The following CDK6 variants were observed in gnomAD, a reference collection of about 807,000 sequenced individuals.
CDK6 encodes cyclin dependent kinase 6.
In CDK6, 6 loss-of-function variants were observed where a neutral mutation model predicts 37.1. The ratio of observed to expected loss-of-function variants is 0.16; its 90% CI spans 0.09 to 0.32. CDK6 has a LOEUF of 0.32. CDK6 is among the 10% of genes least tolerant of loss of function. The pLI is 1.00. For synonymous variants in CDK6, 160 were observed against 161.3 expected (o/e 0.99, Z 0.06); for missense variants, 224 against 418.9 (o/e 0.53, Z 4.06).
intron 5 of CDK6, among the ~76,000 whole-genome samples, chr7:92,653,763 A>G (rs1039122188): frequency 2.6e-5 from 4 of 152,068 alleles, no homozygotes; most frequent in African/African-American, 4.8e-5. Context: ...TTTTAAGACC[A>G]TCAATTTCCT....
chr7:92,627,939 A>G (rs1037907070), intron 5 of CDK6, among the ~76,000 whole-genome samples: 4 of 152,052 alleles, frequency 2.6e-5, no homozygotes, highest in African/African-American at 9.7e-5. Context: ...ATTAAAAAAA[A>G]AACTGCTAGG....
intron 3 of CDK6, among the ~76,000 whole-genome samples, chr7:92,735,620 G>A (rs1053523552): frequency 7.9e-5 from 12 of 152,168 alleles, no homozygotes; most frequent in South Asian, 2.1e-4. Flanking sequence ...CAAATTCCTT[G>A]AGGAACAGGA....
At chr7:92,629,838 T>C (rs988398147) in intron 5 of CDK6, among the ~76,000 whole-genome samples, 8 of 152,138 alleles carry the variant, frequency 5.3e-5, no homozygotes, top group Admixed American at 4.6e-4. Flanking sequence ...GGTGCTAGCA[T>C]GGTAACTCAA....
intron 4 of CDK6, 72 bp downstream of exon 4, chr7:92,725,554 T>C (rs1585432004): frequency 6.8e-7 from 1 of 1,461,924 alleles, no homozygotes; most frequent in Non-Finnish European, 9.4e-7. Flanking sequence ...ATTAGAGACA[T>C]GGAAGAGGGA....
chr7:92,681,461 CTCTCCCCCATTTTATCT>C (rs1797334381), intron 4 of CDK6, among the ~76,000 whole-genome samples: 1 of 152,146 alleles, frequency 6.6e-6, no homozygotes, highest in African/African-American at 2.4e-5. Flanking sequence ...AGTCGTACAC[CTCTCCCCCATTTTATCT>C]ATGTCTAAGC....
chr7:92,612,333 A>C lies in CDK6; in HGVS notation c.*2807T>G, dbSNP rs1360127328. ...TGCCCTTTTCAGTTCACCACTGCTT[A>C]GCTTTTGGCAAAGATGTTTGAAACC... On this transcript the variant is annotated 3_prime_UTR_variant, in exon 8 of 8. Transcript: ENST00000424848. The C allele has an allele frequency of 4.3e-6, 1 of 233,108 alleles. No homozygotes were observed. Among genetic ancestry groups the C allele is most frequent in the Non-Finnish European group, 8.5e-6 (1 of 118,022 alleles). 14.4% of individuals were successfully genotyped at this position (233,108 alleles called of 1,614,324 possible).
At chr7:92,757,950 T>C (rs1219012663) in intron 3 of CDK6, among the ~76,000 whole-genome samples, 1 of 152,226 alleles carries the variant, frequency 6.6e-6, no homozygotes, top group Non-Finnish European at 1.5e-5. Flanking sequence ...CACATGTATA[T>C]CATCTTTTGA....
chr7:92,722,625 A>C (rs906132403), intron 4 of CDK6, among the ~76,000 whole-genome samples: 31 of 152,338 alleles, frequency 2.0e-4, no homozygotes, highest in African/African-American at 6.3e-4. Flanking sequence ...TCAGCTTAAT[A>C]TTACCAGGTA....
intron 3 of CDK6, among the ~76,000 whole-genome samples, chr7:92,766,235 G>C (rs1202315967): frequency 6.6e-6 from 1 of 152,186 alleles, no homozygotes; most frequent in Non-Finnish European, 1.5e-5. Flanking sequence ...GTGGTGTGTT[G>C]AGTTAGGAAG....
At chr7:92,662,320 G>T (rs1243430131) in intron 5 of CDK6, among the ~76,000 whole-genome samples, 1 of 152,110 alleles carries the variant, frequency 6.6e-6, no homozygotes, top group Non-Finnish European at 1.5e-5. Flanking sequence ...GGTTGGGGGT[G>T]TGGAAGTAGG....
At chr7:92,683,709 T>TGG (rs111440463) in intron 4 of CDK6, among the ~76,000 whole-genome samples, 18,859 of 144,500 alleles carry the variant, frequency 0.13, 1,418 homozygotes, top group South Asian at 0.23. Context: ...AGGACTGTGG[T>TGG]GGGGGGGGGG....
At chr7:92,799,299 A>T (rs907490372) in intron 2 of CDK6, among the ~76,000 whole-genome samples, 3 of 152,126 alleles carry the variant, frequency 2.0e-5, no homozygotes, top group Non-Finnish European at 4.4e-5. Context: ...TACTGGATGC[A>T]GTCTTTAGGC....
At chr7:92,650,781 C>G (rs563973497) in intron 5 of CDK6, among the ~76,000 whole-genome samples, 89 of 152,284 alleles carry the variant, frequency 5.8e-4, no homozygotes, top group Middle Eastern at 3.4e-3. Flanking sequence ...AGGTCTCTCT[C>G]TGGTTCCTAA....
intron 2 of CDK6, among the ~76,000 whole-genome samples, chr7:92,783,193 A>G (rs745685913): frequency 1.9e-4 from 29 of 152,270 alleles, no homozygotes; most frequent in Non-Finnish European, 2.4e-4. Flanking sequence ...AATGTAAAAC[A>G]TAGAGTAGAA....
intron 3 of CDK6, among the ~76,000 whole-genome samples, chr7:92,771,191 G>T (rs1295740188): frequency 6.8e-6 from 1 of 147,778 alleles, no homozygotes; most frequent in Non-Finnish European, 1.5e-5. Context: ...AGTTGAGATC[G>T]CGCCACTGCA....
Position 92,834,438 on chromosome 7 carries a change from G to A in CDK6, c.-367-748C>T, listed in dbSNP as rs1323401470. Among the ~76,000 whole-genome samples, 1 of 146,370 alleles carries A rather than the reference G, an allele frequency of 6.8e-6. No homozygotes were observed. Among genetic ancestry groups the A allele is most frequent in the Non-Finnish European group, 1.5e-5 (1 of 66,486 alleles). On this transcript the variant is annotated intron_variant, in intron 1 of 7. Transcript: ENST00000424848. The surrounding 1 kb of genome is among the most constrained non-coding windows in gnomAD (Gnocchi z 4.6). ...ACCTCCCTGGTGGAAACCTTGGGAA[G>A]ACCAGCCATCTGGTCGGGGAGGGTT... is the stretch of plus-strand genomic sequence containing the variant.
intron 4 of CDK6, among the ~76,000 whole-genome samples, chr7:92,716,687 A>C (rs1261351897): frequency 1.3e-5 from 2 of 152,224 alleles, no homozygotes; most frequent in Non-Finnish European, 2.9e-5. Flanking sequence ...CCAAAGAATT[A>C]AAGAGGACAC....
intron 4 of CDK6, among the ~76,000 whole-genome samples, chr7:92,672,752 GT>G (rs1797120015): frequency 6.6e-6 from 1 of 152,002 alleles, no homozygotes; most frequent in Non-Finnish European, 1.5e-5. Context: ...TATCCTTATT[GT>G]TTTGTCTAGT....
At chr7:92,773,802 A>G (rs1440228322) in intron 3 of CDK6, among the ~76,000 whole-genome samples, 5 of 152,244 alleles carry the variant, frequency 3.3e-5, no homozygotes. Context: ...CACTAAAGAC[A>G]TTTCTTAGTC....
Sources: gnomAD v4.1 joint callset for allele counts (sites outside exome capture counted in the v4.1 genomes callset) on GRCh38, gnomAD v4.1.1 for gene constraint, Gnocchi (gnomAD v3.1) non-coding constraint, MANE v1.5 for transcripts, NCBI Gene and HGNC (gene_info 2026-07-23, HGNC 2026-07-21) for gene names.